The following KANK1 variants were observed in gnomAD, a reference collection of about 807,000 sequenced individuals.
KANK1 encodes the protein KN motif and ankyrin repeat domain-containing protein 1.
KANK1 carries 109 observed loss-of-function variants against 106.2 expected under a neutral mutation model. That is an observed-to-expected ratio of 1.03 (90% CI 0.88 to 1.20). The LOEUF is 1.20. Ranked by LOEUF, KANK1 falls within the 50% of genes most tolerant of loss-of-function variation. The probability of loss-of-function intolerance (pLI) is 0.00; values close to 1 mark genes in which losing one functional copy is unlikely to be tolerated. For synonymous variants in KANK1, 873 were observed against 652.2 expected (o/e 1.34, Z -5.16); for missense variants, 2,399 against 1,710.7 (o/e 1.40, Z -7.10).
At chr9:535,265 G>A (rs551663490) in intron 1 of KANK1, among the ~76,000 whole-genome samples, 2 of 152,246 alleles carry the variant, frequency 1.3e-5, no homozygotes, top group African/African-American at 4.8e-5. Context: ...CCTTGCCTTT[G>A]ATGTATGTGG....
chr9:544,022 T>C, intron 1 of KANK1, among the ~76,000 whole-genome samples: 1 of 151,824 alleles, frequency 6.6e-6, no homozygotes, highest in East Asian at 1.9e-4. Flanking sequence ...TATTTTATTT[T>C]ATTATTTTAT....
chr9:472,308 T>C lies in KANK1; in HGVS notation c.-441-886T>C, dbSNP rs540686767. ...GGCGTAGCCTCAGACTCTGAGTTTC[T>C]AACTCTTTCCACTTTCCTAAGATGG... On this transcript the variant is annotated intron_variant, in intron 2 of 15. Coordinates refer to the KANK1 transcript ENST00000382303. Among the ~76,000 whole-genome samples the C allele has an allele frequency of 8.5e-5, 13 of 152,328 alleles. No individual in the cohort carries two copies. In the South Asian group the frequency reaches 2.7e-3, roughly 32 times the overall value.
chr9:657,824 A>G (rs1842477144), intron 1 of KANK1, among the ~76,000 whole-genome samples: 2 of 152,218 alleles, frequency 1.3e-5, no homozygotes, highest in Middle Eastern at 3.4e-3. Context: ...TATGTTCTTA[A>G]TAAAACACAA....
At chr9:542,451 CT>C (rs1207524156) in intron 1 of KANK1, among the ~76,000 whole-genome samples, 1 of 152,240 alleles carries the variant, frequency 6.6e-6, no homozygotes, top group Non-Finnish European at 1.5e-5. Context: ...CCCTCTTAGA[CT>C]GTTGATGAGA....
chr9:548,940 G>C (rs997496007), intron 1 of KANK1, among the ~76,000 whole-genome samples: 4 of 151,940 alleles, frequency 2.6e-5, no homozygotes, highest in Admixed American at 6.6e-5. Flanking sequence ...ATAAGAGAGG[G>C]GGACAATAAA....
At chr9:685,357 C>G (rs1402451065) in intron 2 of KANK1, among the ~76,000 whole-genome samples, 2 of 151,468 alleles carry the variant, frequency 1.3e-5, no homozygotes, top group Non-Finnish European at 2.9e-5. Context: ...TTAAAGCAAG[C>G]CATGGCTGAA....
rs76978206 is a variant in KANK1, at chr9:666,778, G to T, written c.-83-10112G>T. 7.4e-3 allele frequency among the ~76,000 whole-genome samples: 1,126 copies of T among 152,106 alleles called. 12 individuals are homozygous for T. Among genetic ancestry groups the T allele is most frequent in the African/African-American group, 0.026 (1,089 of 41,466 alleles). ...TATGCTGAACCATCTTTGCATCCCT[G>T]GGGTGAATCCCACTTGATAATGTTG... On this transcript the variant is annotated intron_variant, in intron 1 of 11. Coordinates refer to ENST00000382297, the MANE Select transcript of KANK1 (RefSeq NM_015158.5).
intron 7 of KANK1, chr9:735,837 T>A: frequency 2.9e-6 from 1 of 344,296 alleles, no homozygotes; most frequent in Admixed American, 2.9e-5. Context: ...CTACTAAAAA[T>A]ACAAAAAGTT....
chr9:669,433 G>GA (rs1427681048), intron 1 of KANK1, among the ~76,000 whole-genome samples: 1 of 152,068 alleles, frequency 6.6e-6, no homozygotes, highest in Admixed American at 6.5e-5. Flanking sequence ...TTGTTTGTCA[G>GA]AAAAAGACTA....
In KANK1 at chr9:745,193, G is replaced by C; in HGVS notation, c.4017G>C (p.Arg1339Ser). 6.2e-7 allele frequency: 1 copy of C among 1,614,074 alleles called. No individual in the cohort carries two copies. Among genetic ancestry groups the C allele is most frequent in the Non-Finnish European group, 8.5e-7 (1 of 1,179,982 alleles). The change falls in exon 12 of 12, where the codon AGG (arginine) becomes AGC (serine). Residue 1339 changes from arginine to serine, a missense_variant. Physicochemically the swap from Arg to Ser is moderately radical, Grantham distance 110 (BLOSUM62 -1). Transcript: ENST00000382297. ...AQSPGTPRLG[R>S]KTSPGPTHRG... ...TCTAGGGCACCCCTAGGCTTGGAAG[G>C]AAGACGTCTCCTGGCCCCACCCACC...
At chr9:641,321 A>G (rs1588496186) in intron 1 of KANK1, among the ~76,000 whole-genome samples, 1 of 152,310 alleles carries the variant, frequency 6.6e-6, no homozygotes, top group East Asian at 1.9e-4. Context: ...CTTTTACCTA[A>G]TCGTCGTTTC....
chr9:725,541 T>C (rs1753348536), intron 3 of KANK1, among the ~76,000 whole-genome samples: 1 of 151,520 alleles, frequency 6.6e-6, no homozygotes. Flanking sequence ...ATGCCTTACA[T>C]TGAATTTTTT....
chr9:590,268 A>AT (rs1824519066), intron 1 of KANK1, among the ~76,000 whole-genome samples: 1 of 152,116 alleles, frequency 6.6e-6, no homozygotes, highest in South Asian at 2.1e-4. Flanking sequence ...AGCCTTTGTT[A>AT]TTATAGTCAG....
At chr9:692,588 A>G (rs1820242950) in intron 2 of KANK1, among the ~76,000 whole-genome samples, 1 of 150,826 alleles carries the variant, frequency 6.6e-6, no homozygotes, top group South Asian at 2.1e-4. Context: ...ATGGTTTGAT[A>G]AGTTTTAGTA....
chr9:526,376 C>T (rs2059792421), intron 1 of KANK1, among the ~76,000 whole-genome samples: 1 of 151,560 alleles, frequency 6.6e-6, no homozygotes, highest in Non-Finnish European at 1.5e-5. Flanking sequence ...ATAAGACCAT[C>T]ATTGGTTCTC....
chr9:590,299 A>T (rs1824529066), intron 1 of KANK1, among the ~76,000 whole-genome samples: 1 of 150,256 alleles, frequency 6.7e-6, no homozygotes, highest in Non-Finnish European at 1.5e-5. Flanking sequence ...TGAGGAGATG[A>T]TAGATGCTTT....
intron 1 of KANK1, among the ~76,000 whole-genome samples, chr9:637,099 C>T (rs1447270799): frequency 6.6e-6 from 1 of 152,170 alleles, no homozygotes; most frequent in South Asian, 2.1e-4. Context: ...TTCCACTCCT[C>T]CAACAACTCC....
At chr9:662,846 G>T (rs1486133885) in intron 1 of KANK1, among the ~76,000 whole-genome samples, 1 of 152,038 alleles carries the variant, frequency 6.6e-6, no homozygotes, top group Non-Finnish European at 1.5e-5. Context: ...ATTTTTAGTA[G>T]AGATGGGGTT....
intron 1 of KANK1, among the ~76,000 whole-genome samples, chr9:630,312 T>G (rs10815373): frequency 0.19 from 28,813 of 151,338 alleles, 2,870 homozygotes; most frequent in African/African-American, 0.24. Flanking sequence ...TCCCAGCACT[T>G]TGGAGGCTGA....
Sources: gnomAD v4.1 joint callset for allele counts (sites outside exome capture counted in the v4.1 genomes callset) on GRCh38, gnomAD v4.1.1 for gene constraint, MANE v1.5 for transcripts, NCBI Gene and HGNC (gene_info 2026-07-23, HGNC 2026-07-21) for gene names.